The following RPS6KC1 variants were observed in gnomAD, a reference collection of about 807,000 sequenced individuals.
RPS6KC1 encodes inactive ribosomal protein S6 kinase delta-1.
A neutral mutation model predicts 103.8 loss-of-function variants in RPS6KC1; 54 were observed. That is an observed-to-expected ratio of 0.52 (90% CI 0.42 to 0.65). RPS6KC1 has a LOEUF of 0.65. RPS6KC1 is among the 30% of genes least tolerant of loss of function. The probability of loss-of-function intolerance (pLI) is 0.00; values close to 1 mark genes in which losing one functional copy is unlikely to be tolerated. For synonymous variants in RPS6KC1, 439 were observed against 438.7 expected (o/e 1.00, Z -0.01); for missense variants, 1,151 against 1,253.8 (o/e 0.92, Z 1.24).
the RPS6KC1 span, among the ~76,000 whole-genome samples, chr1:213,513,963 T>G: frequency 6.6e-6 from 1 of 152,140 alleles, no homozygotes; most frequent in African/African-American, 2.4e-5. Context: ...TTGCTTGTGG[T>G]TTTTTGATTG....
the RPS6KC1 span, among the ~76,000 whole-genome samples, chr1:213,573,330 A>T: frequency 6.6e-6 from 1 of 152,186 alleles, no homozygotes; most frequent in East Asian, 1.9e-4. Flanking sequence ...AAGGAATGGA[A>T]GCCATTGAAG....
At chr1:213,638,754 G>A in the RPS6KC1 span, among the ~76,000 whole-genome samples, 1 of 151,990 alleles carries the variant, frequency 6.6e-6, no homozygotes, top group East Asian at 1.9e-4. Context: ...TTTGAATACT[G>A]TAACTTTATA....
chr1:213,593,806 T>C, the RPS6KC1 span, among the ~76,000 whole-genome samples: 2,199 of 152,266 alleles, frequency 0.014, 25 homozygotes, highest in Middle Eastern at 0.031. Flanking sequence ...ACAATGGCTA[T>C]TGGGCTATTG....
At chr1:213,484,694 A>C in the RPS6KC1 span, among the ~76,000 whole-genome samples, 2,598 of 152,280 alleles carry the variant, frequency 0.017, 86 homozygotes, top group African/African-American at 0.059. Flanking sequence ...TGTACCTTCT[A>C]AGTTAATTCT....
intron 8 of RPS6KC1, among the ~76,000 whole-genome samples, chr1:213,179,173 G>C (rs1211727146): frequency 6.6e-6 from 1 of 152,056 alleles, no homozygotes; most frequent in African/African-American, 2.4e-5. Flanking sequence ...CCAGCACTTT[G>C]GGAGGCCGAG....
At chr1:213,058,905 T>C (rs1412741279) in intron 1 of RPS6KC1, among the ~76,000 whole-genome samples, 1 of 152,176 alleles carries the variant, frequency 6.6e-6, no homozygotes, top group Non-Finnish European at 1.5e-5. Context: ...TGTCTTGCAG[T>C]TTATTTGTGT....
At chr1:213,227,398 T>G (rs2148831704) in intron 8 of RPS6KC1, among the ~76,000 whole-genome samples, 1 of 152,374 alleles carries the variant, frequency 6.6e-6, no homozygotes, top group Middle Eastern at 3.4e-3. Context: ...CTGTTGGTTT[T>G]CTGTTGCTGA....
chr1:213,479,269 A>G, the RPS6KC1 span, among the ~76,000 whole-genome samples: 7,642 of 152,126 alleles, frequency 0.05, 626 homozygotes, highest in African/African-American at 0.17. Flanking sequence ...CTGAGTTACA[A>G]GATTTGCAGA....
the RPS6KC1 span, among the ~76,000 whole-genome samples, chr1:213,515,049 A>T: frequency 1.3e-5 from 2 of 152,130 alleles, no homozygotes; most frequent in African/African-American, 4.8e-5. Context: ...ATCTCTTCAT[A>T]TCCTTTGCCC....
At chr1:213,490,124 G>A in the RPS6KC1 span, among the ~76,000 whole-genome samples, 1 of 152,326 alleles carries the variant, frequency 6.6e-6, no homozygotes, top group East Asian at 1.9e-4. Context: ...CTTGGAAAGA[G>A]CTGGGCAGTG....
the RPS6KC1 span, among the ~76,000 whole-genome samples, chr1:213,731,106 T>C: frequency 4.6e-5 from 7 of 152,088 alleles, no homozygotes; most frequent in African/African-American, 1.7e-4. Flanking sequence ...CTGGGTTCTC[T>C]ATTGTCTGTT....
the RPS6KC1 span, among the ~76,000 whole-genome samples, chr1:213,417,231 T>C: frequency 9.9e-5 from 15 of 152,194 alleles, no homozygotes; most frequent in Admixed American, 7.9e-4. Context: ...CGAATCTTTA[T>C]TTCCAGATTA....
chr1:213,128,279 TTCAC>T (rs1297223859), intron 5 of RPS6KC1, among the ~76,000 whole-genome samples: 2 of 152,324 alleles, frequency 1.3e-5, no homozygotes, highest in East Asian at 3.9e-4. Context: ...TGCCACTTCT[TTCAC>T]TAACTTTTTT....
At chr1:213,123,870 CTGT>C (rs1407937121) in intron 5 of RPS6KC1, among the ~76,000 whole-genome samples, 1 of 152,112 alleles carries the variant, frequency 6.6e-6, no homozygotes, top group Non-Finnish European at 1.5e-5. Context: ...GAGAGACCAC[CTGT>C]TGTTCTAAAG....
chr1:213,388,545 C>A, the RPS6KC1 span, among the ~76,000 whole-genome samples: 1 of 152,226 alleles, frequency 6.6e-6, no homozygotes, highest in African/African-American at 2.4e-5. Context: ...ACTCTGGTTG[C>A]AAATGAAAAC....
the RPS6KC1 span, among the ~76,000 whole-genome samples, chr1:213,685,486 C>A: frequency 6.6e-6 from 1 of 151,974 alleles, no homozygotes; most frequent in Non-Finnish European, 1.5e-5. Context: ...CAAAATTAGC[C>A]AGGCTTGCTG....
the RPS6KC1 span, among the ~76,000 whole-genome samples, chr1:213,598,724 C>T: frequency 6.6e-6 from 1 of 152,024 alleles, no homozygotes; most frequent in East Asian, 1.9e-4. Flanking sequence ...TCAAGACTAG[C>T]CTGGCCAACA....
the RPS6KC1 span, among the ~76,000 whole-genome samples, chr1:213,323,336 A>G: frequency 2.0e-5 from 3 of 152,170 alleles, no homozygotes; most frequent in Non-Finnish European, 4.4e-5. Flanking sequence ...TAAGGCCATC[A>G]TTAAGACTAG....
chr1:213,105,499 AG>A (rs1359724910), intron 4 of RPS6KC1, among the ~76,000 whole-genome samples: 1 of 152,054 alleles, frequency 6.6e-6, no homozygotes, highest in African/African-American at 2.4e-5. Context: ...GGATCTACAC[AG>A]ATTATTTATT....
Sources: gnomAD v4.1 joint callset for allele counts (sites outside exome capture counted in the v4.1 genomes callset) on GRCh38, gnomAD v4.1.1 for gene constraint, MANE v1.5 for transcripts, NCBI Gene and HGNC (gene_info 2026-07-23, HGNC 2026-07-21) for gene names.